ABRACL: variants seen among roughly 807,000 people sequenced by gnomAD.
ABRACL encodes the protein costars family protein ABRACL.
A neutral mutation model predicts 7.0 loss-of-function variants in ABRACL; 4 were observed. The ratio of observed to expected loss-of-function variants is 0.57; its 90% CI spans 0.28 to 1.30. ABRACL has a LOEUF of 1.30. ABRACL is among the 50% of genes most tolerant of loss of function. The pLI, the probability that ABRACL is intolerant of heterozygous loss-of-function variation, is 0.10. For synonymous variants in ABRACL, 30 were observed against 36.0 expected, an observed-to-expected ratio of 0.83 and a Z score of 0.60; for missense variants, 104 against 97.3, an observed-to-expected ratio of 1.07 and a Z score of -0.29.
chr6:139,040,832 G>A (rs139200150), intron 2 of ABRACL, among the ~76,000 whole-genome samples: 8 of 152,222 alleles, frequency 5.3e-5, no homozygotes, highest in South Asian at 2.1e-4. Context: ...CACCTTACTC[G>A]TTTTCAGCCT....
intron 1 of ABRACL, among the ~76,000 whole-genome samples, chr6:139,030,162 C>CTTT (rs199994653): frequency 6.8e-6 from 1 of 147,380 alleles, no homozygotes; most frequent in African/African-American, 2.5e-5. Flanking sequence ...TTGTTCTTTT[C>CTTT]TTTTTTTTTT....
rs559681153 is a variant in ABRACL, at chr6:139,043,151, C to T, written c.*248C>T. ...GAATTGCAGGCAATGAGATTTTTTGCGGGGCAGGGATGGGAATGTTTGTTC... is the reference window on the plus strand; with the variant it reads ...GAATTGCAGGCAATGAGATTTTTTGTGGGGCAGGGATGGGAATGTTTGTTC... On this transcript the variant is annotated 3_prime_UTR_variant, in exon 3 of 3. Coordinates refer to ENST00000367660, the MANE Select transcript of ABRACL (RefSeq NM_021243.3). 127 of 310,668 alleles carry T rather than the reference C, an allele frequency of 4.1e-4. No homozygotes were observed. Among genetic ancestry groups the T allele is most frequent in the African/African-American group, 1.0e-3 (47 of 46,652 alleles). 19.2% of individuals were successfully genotyped at this position (310,668 alleles called of 1,614,324 possible).
intron 1 of ABRACL, among the ~76,000 whole-genome samples, chr6:139,031,479 CA>C (rs1786080716): frequency 6.6e-6 from 1 of 152,024 alleles, no homozygotes; most frequent in Non-Finnish European, 1.5e-5. Context: ...CTTTAGAGTG[CA>C]AGTAATAGAA....
intron 1 of ABRACL, among the ~76,000 whole-genome samples, chr6:139,029,669 C>G (rs576163064): frequency 6.6e-6 from 1 of 152,192 alleles, no homozygotes; most frequent in South Asian, 2.1e-4. Context: ...AAGCTGGTAG[C>G]AGAATGGCCA....
Position 139,034,135 on chromosome 6 carries a change from T to C in ABRACL, c.-6-20T>C, listed in dbSNP as rs1053181417. On this transcript the variant is annotated intron_variant, in intron 1 of 2. Coordinates refer to ENST00000367660, the MANE Select transcript of ABRACL (RefSeq NM_021243.3). ...GGAATGTAATGGTGATAATTTAGAC[T>C]TCCTTTTTTTCTCTCCCAGGCAGCA... The C allele has an allele frequency of 1.4e-5, 22 of 1,614,172 alleles. No homozygotes were observed. Among genetic ancestry groups the C allele is most frequent in the Non-Finnish European group, 1.8e-5 (21 of 1,180,024 alleles).
chr6:139,033,587 G>C (rs533965390), intron 1 of ABRACL, among the ~76,000 whole-genome samples: 1 of 152,174 alleles, frequency 6.6e-6, no homozygotes. Context: ...CTTGCTTTGT[G>C]TATGCACTTC....
chr6:139,041,027 A>G (rs1337830095), intron 2 of ABRACL, among the ~76,000 whole-genome samples: 5 of 152,192 alleles, frequency 3.3e-5, no homozygotes, highest in Non-Finnish European at 1.5e-5. Context: ...GGAGCTTTAA[A>G]CAAGTTGCCC....
chr6:139,034,088 C>T, intron 1 of ABRACL, 67 bp from the exon 2 acceptor site: 3 of 1,599,064 alleles, frequency 1.9e-6, no homozygotes, highest in Non-Finnish European at 2.6e-6. Flanking sequence ...ACAAAGGGCT[C>T]TTGGATTTGG....
chr6:139,038,043 C>G (rs1464294721), intron 2 of ABRACL, among the ~76,000 whole-genome samples: 2 of 152,154 alleles, frequency 1.3e-5, no homozygotes, highest in Non-Finnish European at 2.9e-5. Flanking sequence ...TTCCAAAGTG[C>G]TGGGATTGTA....
chr6:139,034,203 C>T lies in ABRACL; in HGVS notation c.43C>T (p.His15Tyr), dbSNP rs1786121998. 6.2e-7 allele frequency: 1 copy of T among 1,614,160 alleles called. No individual in the cohort carries two copies. The highest frequency in any genetic ancestry group is 1.3e-5 in the African/African-American group (1 of 75,034). ...HEVNLLVEEIHRLGSKNADGK... is the reference protein window; with the variant it reads ...HEVNLLVEEIYRLGSKNADGK... ...GGTTAACCTCTTAGTGGAGGAAATT[C>T]ATCGTTTGGGTTCAAAAAGTAAGTA... The change falls in exon 2 of 3, where the codon CAT (histidine) becomes TAT (tyrosine). Residue 15 changes from histidine to tyrosine, a missense_variant. Physicochemically the swap from His to Tyr is moderately conservative, Grantham distance 83. Coordinates refer to ENST00000367660, the MANE Select transcript of ABRACL (RefSeq NM_021243.3).
chr6:139,042,886 A>T lies in ABRACL; in HGVS notation c.229A>T (p.Ile77Leu), dbSNP rs1244439191. 6.2e-7 allele frequency: 1 copy of T among 1,610,122 alleles called. No homozygotes were observed. The highest frequency in any genetic ancestry group is 8.5e-7 in the Non-Finnish European group (1 of 1,178,592). ...AGGTGTTCATGATGATGTTGACATT[A>T]TATTACTGCAAGATTAATGTGGTTT... The part of the protein sequence containing the change: ...LQGVHDDVDI[I>L]LLQD The change falls in exon 3 of 3, where the codon ATA (isoleucine) becomes TTA (leucine). Residue 77 changes from isoleucine (I) to leucine (L), a missense_variant. Ile to Leu is a conservative substitution (Grantham distance 5). Coordinates refer to ENST00000367660, the MANE Select transcript of ABRACL (RefSeq NM_021243.3).
Position 139,043,144 on chromosome 6 carries a change from T to G in ABRACL, c.*241T>G, listed in dbSNP as rs1308966585. On this transcript the variant is annotated 3_prime_UTR_variant, in exon 3 of 3. Transcript: ENST00000367660. ...TGGTTAGGAATTGCAGGCAATGAGA[T>G]TTTTTGCGGGGCAGGGATGGGAATG... The G allele has an allele frequency of 6.2e-6, 2 of 320,994 alleles. No individual in the cohort carries two copies. The highest frequency in any genetic ancestry group is 1.1e-5 in the Non-Finnish European group (2 of 178,956). 19.9% of individuals were successfully genotyped at this position (320,994 alleles called of 1,614,324 possible).
intron 2 of ABRACL, among the ~76,000 whole-genome samples, chr6:139,037,766 T>C (rs1786185392): frequency 6.9e-6 from 1 of 144,960 alleles, no homozygotes; most frequent in Admixed American, 7.5e-5. Context: ...TTATTGTTTT[T>C]TTCTTTTTCT....
At chr6:139,031,392 A>G (rs1302134601) in intron 1 of ABRACL, among the ~76,000 whole-genome samples, 3 of 152,226 alleles carry the variant, frequency 2.0e-5, no homozygotes, top group Non-Finnish European at 2.9e-5. Context: ...ATAAGTACAT[A>G]AAAAAGAGCT....
At chr6:139,041,252 T>A (rs994442778) in intron 2 of ABRACL, among the ~76,000 whole-genome samples, 1 of 151,690 alleles carries the variant, frequency 6.6e-6, no homozygotes, top group Non-Finnish European at 1.5e-5. Context: ...CTGTAAAATA[T>A]ATTTTCTTTT....
At chr6:139,030,485 C>CA (rs1276317668) in intron 1 of ABRACL, among the ~76,000 whole-genome samples, 5 of 152,142 alleles carry the variant, frequency 3.3e-5, no homozygotes, top group African/African-American at 1.2e-4. Context: ...TATAAAAGGC[C>CA]ATGGGTCTTT....
intron 2 of ABRACL, among the ~76,000 whole-genome samples, chr6:139,036,302 GA>G (rs1269291404): frequency 1.3e-5 from 2 of 152,016 alleles, no homozygotes; most frequent in African/African-American, 4.8e-5. Context: ...GATAATCTAG[GA>G]TACCTTCCTG....
At position 139,037,930 on chromosome 6, in the gene ABRACL, C is replaced by A. The variant is rs142725117; in HGVS notation, c.61+3709C>A. 5.2e-3 allele frequency among the ~76,000 whole-genome samples: 785 copies of A among 152,060 alleles called. 9 individuals carry two copies. Among genetic ancestry groups the A allele is most frequent in the African/African-American group, 0.017 (709 of 41,484 alleles). ...TAGCTGGGATTACAGGCATCTGCCA[C>A]CACCCCCAGCTAATTTTTGTATTTT... On this transcript the variant is annotated intron_variant, in intron 2 of 2. Transcript: ENST00000367660.
chr6:139,032,388 C>A (rs958542285), intron 1 of ABRACL, among the ~76,000 whole-genome samples: 1 of 152,190 alleles, frequency 6.6e-6, no homozygotes, highest in African/African-American at 2.4e-5. Flanking sequence ...ACACAAAGTC[C>A]TCAATATTTG....
Sources: gnomAD v4.1 joint callset for allele counts (sites outside exome capture counted in the v4.1 genomes callset) on GRCh38, gnomAD v4.1.1 for gene constraint, MANE v1.5 for transcripts, NCBI Gene and HGNC (gene_info 2026-07-23, HGNC 2026-07-21) for gene names.